Variants in KCNQ1 observed in about 807,000 individuals in gnomAD.
KCNQ1 encodes the protein potassium voltage-gated channel subfamily KQT member 1.
KCNQ1 carries 49 observed loss-of-function variants against 72.4 expected under a neutral mutation model. That is an observed-to-expected ratio of 0.68 (90% confidence interval 0.54 to 0.86). The LOEUF is 0.86. Ranked by LOEUF, KCNQ1 falls within the 40% of genes least tolerant of loss-of-function variation. The probability of loss-of-function intolerance (pLI) is 0.00; values close to 1 mark genes in which losing one functional copy is unlikely to be tolerated. For missense variants in KCNQ1, 790 were observed against 945.1 expected (o/e 0.84, Z 2.15); for synonymous variants, 450 against 412.6 (o/e 1.09, Z -1.10).
Position 2,564,975 on chromosome 11 carries a change from T to C in KCNQ1, c.478-5653T>C, listed in dbSNP as rs947642573. ...GTAGGGAGGGACCACATCTTCCGTC[T>C]CCGTCGGTGCACTGAGGGACACTGG... On this transcript the variant is annotated intron_variant, in intron 2 of 15. Transcript: ENST00000155840. The surrounding 1 kb of genome is among the most constrained non-coding windows in gnomAD (Gnocchi z 4.5). Among the ~76,000 whole-genome samples, 3 of 152,234 alleles carry C rather than the reference T, an allele frequency of 2.0e-5. No homozygotes were observed. Among genetic ancestry groups the C allele is most frequent in the African/African-American group, 7.2e-5 (3 of 41,468 alleles).
At chr11:2,619,609 T>C in intron 10 of KCNQ1, 1 of 398,598 alleles carries the variant, frequency 2.5e-6, no homozygotes, top group Middle Eastern at 6.3e-4. Context: ...TCTTGGGTTA[T>C]GTTGGCCTGT....
At chr11:2,681,424 A>G in intron 11 of KCNQ1, 2 of 398,488 alleles carry the variant, frequency 5.0e-6, no homozygotes, top group Admixed American at 8.8e-5. Flanking sequence ...GATCCCTGTG[A>G]CAGCTCTAGG....
chr11:2,631,661 G>T, intron 10 of KCNQ1: 2 of 398,464 alleles, frequency 5.0e-6, no homozygotes, highest in South Asian at 2.6e-4. Flanking sequence ...TTGTTACAAT[G>T]AATTGAAATC....
rs935083264 is a variant in KCNQ1 at position 2,493,118 on chromosome 11, CT to C, written c.387-34802del. ...TTCTCTGATGACCAGTAATGATTAG[CT>C]TTTTTTTCCATATGTTTCTTGGCCA... On this transcript the variant is annotated intron_variant, in intron 1 of 15. Transcript: ENST00000155840. The surrounding 1 kb of genome is among the most constrained non-coding windows in gnomAD (Gnocchi z 5.3). Among the ~76,000 whole-genome samples the C allele has an allele frequency of 6.6e-6, 1 of 152,022 alleles. No individual in the cohort carries two copies. The highest frequency in any genetic ancestry group is 1.5e-5 in the Non-Finnish European group (1 of 67,994).
Position 2,668,885 on chromosome 11 carries a change from C to G in KCNQ1, c.1514+6804C>G. Reference sequence around the variant, plus strand: ...TAAGAAACTTTGACTACTCCAAGGTCATAAAGATATTCTGGTTTATTCTAA... The same window carrying G: ...TAAGAAACTTTGACTACTCCAAGGTGATAAAGATATTCTGGTTTATTCTAA... On this transcript the variant is annotated intron_variant, in intron 11 of 15. Coordinates refer to ENST00000155840, the MANE Select transcript of KCNQ1 (RefSeq NM_000218.3). The surrounding 1 kb of genome is among the most constrained non-coding windows in gnomAD (Gnocchi z 4.3). 2.5e-6 allele frequency: 1 copy of G among 398,620 alleles called. No individual in the cohort carries two copies. The highest frequency in any genetic ancestry group is 4.4e-6 in the Non-Finnish European group (1 of 226,054). The allele number at this position is 398,620 out of a possible 1,614,324, so 24.7% of individuals were successfully genotyped here.
intron 14 of KCNQ1, 54 bp from the exon 15 acceptor site, chr11:2,777,922 G>A (rs1846739557): frequency 6.4e-7 from 1 of 1,569,182 alleles, no homozygotes; most frequent in Admixed American, 1.7e-5. Context: ...CCCAGCTGGG[G>A]TCCCCGGCCC....
intron 11 of KCNQ1, chr11:2,684,561 AT>A (rs2133884560): frequency 2.5e-6 from 1 of 398,672 alleles, no homozygotes; most frequent in South Asian, 1.3e-4. Flanking sequence ...TCCATGTCCC[AT>A]AAATGACTTT....
chr11:2,657,968 G>A lies in KCNQ1; in HGVS notation c.1394-3993G>A, dbSNP rs72850253. On this transcript the variant is annotated intron_variant, in intron 10 of 15. Transcript: ENST00000155840. This position sits in a 1 kb window ranked among gnomAD's most constrained non-coding sequence, Gnocchi z 4.8. Reference sequence around the variant, plus strand: ...AACCTTGAGCCACTCGTTTAAAGTGGTGTCGGCCAGGCTCCTCCACTGTAA... The same window carrying A: ...AACCTTGAGCCACTCGTTTAAAGTGATGTCGGCCAGGCTCCTCCACTGTAA... The A allele has an allele frequency of 0.016, 6,386 of 398,560 alleles. 72 individuals carry two copies. Among genetic ancestry groups the A allele is most frequent in the Non-Finnish European group, 0.023 (5,272 of 226,048 alleles). The allele number at this position is 398,560 out of a possible 1,614,324, so 24.7% of individuals were successfully genotyped here.
rs1847770768 is a variant in KCNQ1 at position 2,538,401 on chromosome 11, A to T, written c.477+10383A>T. Among the ~76,000 whole-genome samples the T allele has an allele frequency of 6.6e-6, 1 of 152,154 alleles. No homozygotes were observed. Among genetic ancestry groups the T allele is most frequent in the African/African-American group, 2.4e-5 (1 of 41,426 alleles). On this transcript the variant is annotated intron_variant, in intron 2 of 15. Coordinates refer to ENST00000155840, the MANE Select transcript of KCNQ1 (RefSeq NM_000218.3). The surrounding 1 kb of genome is among the most constrained non-coding windows in gnomAD (Gnocchi z 6.7). Reference sequence around the variant, plus strand: ...GCTCACAGGCCCCTCTGTGGGGCCCAGGGCAGAGGCAGCAGGCAGGCTGTC... The same window carrying T: ...GCTCACAGGCCCCTCTGTGGGGCCCTGGGCAGAGGCAGCAGGCAGGCTGTC...
At chr11:2,756,120 C>T (rs1164404338) in intron 11 of KCNQ1, among the ~76,000 whole-genome samples, 1 of 152,176 alleles carries the variant, frequency 6.6e-6, no homozygotes, top group Non-Finnish European at 1.5e-5. Context: ...GGTGGCATCA[C>T]CTCCAAGGTG....
intron 1 of KCNQ1, among the ~76,000 whole-genome samples, chr11:2,496,132 G>C (rs1008093131): frequency 6.6e-6 from 1 of 152,042 alleles, no homozygotes; most frequent in Non-Finnish European, 1.5e-5. Context: ...TTTGAAGTCT[G>C]TTTTATCAAA....
chr11:2,511,553 G>A (rs1002791600), intron 1 of KCNQ1, among the ~76,000 whole-genome samples: 5 of 152,294 alleles, frequency 3.3e-5, no homozygotes, highest in Middle Eastern at 3.4e-3. Flanking sequence ...GCTCCCAGCC[G>A]CTGTGTAGAG....
intron 11 of KCNQ1, among the ~76,000 whole-genome samples, chr11:2,700,874 C>G (rs1466425966): frequency 6.6e-6 from 1 of 152,218 alleles, no homozygotes; most frequent in Non-Finnish European, 1.5e-5. Context: ...GAATGCCAAG[C>G]ATTGCCATAA....
rs200423553 is a variant in KCNQ1, at chr11:2,585,200, A to G, written c.1033-12A>G. 7.1e-5 allele frequency: 115 copies of G among 1,613,222 alleles called. 2 individuals are homozygous for G. In the East Asian group the frequency reaches 1.7e-3, roughly 24 times the overall value. The stretch of plus-strand genomic sequence containing the variant: ...CTGTGTGGACGGGAGCCTCCTGTCC[A>G]TTCCTTCCCAGGGGATTCTTGGCTC... On this transcript the variant is annotated splice_polypyrimidine_tract_variant and intron_variant, in intron 7 of 15. Transcript: ENST00000155840.
chr11:2,672,810 G>C (rs752168277), intron 11 of KCNQ1: 1 of 398,836 alleles, frequency 2.5e-6, no homozygotes. Flanking sequence ...CAGAAGGGCT[G>C]GACCAAGTGA....
At chr11:2,582,801 C>T (rs536574250) in intron 6 of KCNQ1, among the ~76,000 whole-genome samples, 40 of 152,248 alleles carry the variant, frequency 2.6e-4, no homozygotes, top group African/African-American at 5.8e-4. Flanking sequence ...AATGACATTT[C>T]CAGGCTCAGA....
intron 15 of KCNQ1, among the ~76,000 whole-genome samples, chr11:2,797,210 G>C (rs1240870586): frequency 6.6e-6 from 1 of 152,148 alleles, no homozygotes; most frequent in East Asian, 1.9e-4. Flanking sequence ...AGTGCTGGGG[G>C]CTGGGCCACG....
In KCNQ1 at chr11:2,498,175, T is replaced by C. The variant is rs1278024288; in HGVS notation, c.387-29753T>C. Among the ~76,000 whole-genome samples the C allele has an allele frequency of 6.6e-6, 1 of 152,212 alleles. No homozygotes were observed. The highest frequency in any genetic ancestry group is 1.5e-5 in the Non-Finnish European group (1 of 68,028). On this transcript the variant is annotated intron_variant, in intron 1 of 15. Transcript: ENST00000155840. The surrounding 1 kb of genome is among the most constrained non-coding windows in gnomAD (Gnocchi z 4.8). ...CAGGGACCCACTTGAGGAGGCAGTCTGTCCCTTAGCAGAGCTCATGCACTG... is the reference window on the plus strand; with the variant it reads ...CAGGGACCCACTTGAGGAGGCAGTCCGTCCCTTAGCAGAGCTCATGCACTG...
intron 11 of KCNQ1, among the ~76,000 whole-genome samples, chr11:2,749,010 A>T (rs930489639): frequency 4.6e-5 from 7 of 152,206 alleles, no homozygotes; most frequent in Admixed American, 2.6e-4. Context: ...GCAAGGAAAG[A>T]GAGTGGTGGC....
Sources: gnomAD v4.1 joint callset for allele counts (sites outside exome capture counted in the v4.1 genomes callset) on GRCh38, gnomAD v4.1.1 for gene constraint, Gnocchi (gnomAD v3.1) non-coding constraint, MANE v1.5 for transcripts, NCBI Gene and HGNC (gene_info 2026-07-23, HGNC 2026-07-21) for gene names.